UGT1A6: variants seen among roughly 807,000 people sequenced by gnomAD.
The protein encoded by UGT1A6 is UDP glucuronosyltransferase family 1 member A6.
A neutral mutation model predicts 44.4 loss-of-function variants in UGT1A6; 32 were observed. The ratio of observed to expected loss-of-function variants is 0.72; its 90% CI spans 0.54 to 0.97. UGT1A6 has a LOEUF of 0.97. UGT1A6 is among the 50% of genes least tolerant of loss of function. UGT1A6 has a pLI of 0.00. For synonymous variants in UGT1A6, 238 were observed against 248.5 expected, an observed-to-expected ratio of 0.96 and a Z score of 0.40; for missense variants, 685 against 661.9, an observed-to-expected ratio of 1.03 and a Z score of -0.38.
chr2:233,721,754 C>A, intron 1 of UGT1A6: 1 of 457,794 alleles, frequency 2.2e-6, no homozygotes, highest in South Asian at 1.6e-5. Context: ...GAATCTACAT[C>A]TAAATTGTTA....
At chr2:233,709,749 A>T (rs2076089896) in intron 1 of UGT1A6, among the ~76,000 whole-genome samples, 1 of 152,214 alleles carries the variant, frequency 6.6e-6, no homozygotes, top group African/African-American at 2.4e-5. Flanking sequence ...TAAAATAAAC[A>T]TTATTGGAGT....
At chr2:233,731,367 T>C (rs1429864647) in intron 1 of UGT1A6, among the ~76,000 whole-genome samples, 3 of 152,084 alleles carry the variant, frequency 2.0e-5, no homozygotes, top group East Asian at 1.9e-4. Flanking sequence ...ACATGTGCCA[T>C]GTTGGTTTCC....
rs542150234 is a variant in UGT1A6, at chr2:233,704,820, A to T, written c.861+10955A>T. ...ATTATATATATGTATATTGCTTTTT[A>T]GGATTGCTTTTAAAATCAGTTAAGA... On this transcript the variant is annotated intron_variant, in intron 1 of 4. Coordinates refer to ENST00000305139, the MANE Select transcript of UGT1A6 (RefSeq NM_001072.4). 2.6e-4 allele frequency among the ~76,000 whole-genome samples: 39 copies of T among 152,234 alleles called. 1 individual carries two copies. The South Asian group carries it at 8.1e-3, about 32-fold the overall frequency.
chr2:233,762,781 ATCTAC>A (rs1211615114), intron 1 of UGT1A6, among the ~76,000 whole-genome samples: 2 of 150,458 alleles, frequency 1.3e-5, no homozygotes, highest in African/African-American at 4.9e-5. Flanking sequence ...CTAGCTGATT[ATCTAC>A]TCATTACTCA....
intron 1 of UGT1A6, chr2:233,754,665 A>AT (rs752229414): frequency 4.5e-5 from 21 of 465,290 alleles, no homozygotes; most frequent in South Asian, 1.9e-4. Flanking sequence ...CTTGGTGGTG[A>AT]TTTTTTTACC....
intron 1 of UGT1A6, chr2:233,761,181 G>A (rs539737168): frequency 1.9e-5 from 31 of 1,614,124 alleles, no homozygotes; most frequent in East Asian, 2.2e-5. Flanking sequence ...TTTTACATGC[G>A]TATATTCTTT....
At chr2:233,765,778 A>G (rs1698945501) in intron 1 of UGT1A6, among the ~76,000 whole-genome samples, 2 of 152,070 alleles carry the variant, frequency 1.3e-5, no homozygotes, top group African/African-American at 2.4e-5. Context: ...GATTCATTGG[A>G]CCACTGAAAA....
At chr2:233,730,783 G>A (rs968780327) in intron 1 of UGT1A6, among the ~76,000 whole-genome samples, 1 of 152,100 alleles carries the variant, frequency 6.6e-6, no homozygotes, top group Non-Finnish European at 1.5e-5. Flanking sequence ...AGTGAAGCTG[G>A]GGACAGTGAT....
intron 1 of UGT1A6, chr2:233,755,364 C>G (rs1279732640): frequency 1.4e-5 from 5 of 364,304 alleles, no homozygotes; most frequent in Non-Finnish European, 2.6e-5. Flanking sequence ...ACCTGGGCCG[C>G]CTGGAGGGCC....
intron 1 of UGT1A6, among the ~76,000 whole-genome samples, chr2:233,709,149 T>G (rs2076060708): frequency 6.6e-6 from 1 of 152,102 alleles, no homozygotes; most frequent in Non-Finnish European, 1.5e-5. Flanking sequence ...ACGTGCTGAT[T>G]GGTTGAGGCC....
At chr2:233,726,326 A>C (rs1219361867) in intron 1 of UGT1A6, among the ~76,000 whole-genome samples, 1 of 152,188 alleles carries the variant, frequency 6.6e-6, no homozygotes, top group Non-Finnish European at 1.5e-5. Context: ...CAGGAGTTTC[A>C]GCACCTGTGG....
intron 1 of UGT1A6, among the ~76,000 whole-genome samples, chr2:233,698,410 C>T (rs1360939662): frequency 2.6e-5 from 4 of 151,926 alleles, no homozygotes; most frequent in South Asian, 4.2e-4. Context: ...GTGACTTCAT[C>T]GCAATAAATT....
In UGT1A6 at chr2:233,748,281, A is replaced by G. The variant is rs187598208; in HGVS notation, c.862-18753A>G. 1.2e-3 allele frequency among the ~76,000 whole-genome samples: 189 copies of G among 151,888 alleles called. 5 individuals are homozygous for G. The highest frequency in any genetic ancestry group is 4.3e-3 in the African/African-American group (178 of 41,188). ...TTAAATGGTCAATGAGAGGAAGAAG[A>G]GGCAGACATGAATGTTTATCAAAGG... On this transcript the variant is annotated intron_variant, in intron 1 of 4. Coordinates refer to ENST00000305139, the MANE Select transcript of UGT1A6 (RefSeq NM_001072.4).
intron 1 of UGT1A6, among the ~76,000 whole-genome samples, chr2:233,716,593 A>G (rs17874943): frequency 0.1 from 15,436 of 152,206 alleles, 900 homozygotes; most frequent in East Asian, 0.2. Flanking sequence ...AAGAGCAAAA[A>G]TTTTAGAATT....
chr2:233,765,604 G>T (rs986298003), intron 1 of UGT1A6, among the ~76,000 whole-genome samples: 11 of 151,976 alleles, frequency 7.2e-5, no homozygotes, highest in Non-Finnish European at 1.2e-4. Context: ...CAGGGCTTGT[G>T]GCGGGGTGAG....
At position 233,769,030 on chromosome 2, in the gene UGT1A6, A is replaced by G. The variant is rs1369352074; in HGVS notation, c.1301+591A>G. 1.3e-5 allele frequency among the ~76,000 whole-genome samples: 2 copies of G among 152,206 alleles called. No homozygotes were observed. Among genetic ancestry groups the G allele is most frequent in the African/African-American group, 4.8e-5 (2 of 41,454 alleles). On this transcript the variant is annotated intron_variant, in intron 4 of 4. Transcript: ENST00000305139. The surrounding 1 kb of genome is among the most constrained non-coding windows in gnomAD (Gnocchi z 4.4). ...CCAATTTACATAAAAAGTTGCCATAATAGACATCTGATCCATAAGTTTCCT... is the reference window on the plus strand; with the variant it reads ...CCAATTTACATAAAAAGTTGCCATAGTAGACATCTGATCCATAAGTTTCCT...
chr2:233,701,261 T>TCAAAGG (rs978428672), intron 1 of UGT1A6, among the ~76,000 whole-genome samples: 1 of 152,156 alleles, frequency 6.6e-6, no homozygotes, highest in African/African-American at 2.4e-5. Context: ...GGTCAAATGG[T>TCAAAGG]ATTTCTAGTT....
chr2:233,760,301 C>A (rs1697391714), intron 1 of UGT1A6: 1 of 1,613,532 alleles, frequency 6.2e-7, no homozygotes, highest in South Asian at 1.1e-5. Flanking sequence ...GCTGTGGAGT[C>A]CCAGGGCGGA....
chr2:233,729,562 T>C lies in UGT1A6; in HGVS notation c.861+35697T>C, dbSNP rs201451179. ...GATCAGGCACCTGAATGCTACTTCC[T>C]TTGATGTGGTTTTAACAGACCCCGT... On this transcript the variant is annotated intron_variant, in intron 1 of 4. Transcript: ENST00000305139. 8.7e-6 allele frequency: 14 copies of C among 1,614,160 alleles called. No homozygotes were observed. The East Asian group carries it at 3.1e-4, about 36-fold the overall frequency.
Sources: gnomAD v4.1 joint callset for allele counts (sites outside exome capture counted in the v4.1 genomes callset) on GRCh38, gnomAD v4.1.1 for gene constraint, Gnocchi (gnomAD v3.1) non-coding constraint, MANE v1.5 for transcripts, NCBI Gene and HGNC (gene_info 2026-07-23, HGNC 2026-07-21) for gene names.